TENM3: variants seen among roughly 807,000 people sequenced by gnomAD.
TENM3 encodes the protein teneurin-3.
In TENM3, 63 loss-of-function variants were observed where a neutral mutation model predicts 255.1. That is an observed-to-expected ratio of 0.25 (90% CI 0.20 to 0.30). The LOEUF (loss-of-function observed/expected upper bound fraction) is 0.30. Among genes scored for constraint, TENM3 ranks in the 10% least tolerant of loss-of-function variants. The pLI is 1.00. For missense variants in TENM3, 2,929 were observed against 3,461.1 expected, an observed-to-expected ratio of 0.85 and a Z score of 3.86; for synonymous variants, 1,306 against 1,322.3, an observed-to-expected ratio of 0.99 and a Z score of 0.27.
At chr4:182,351,831 C>T (rs72699915) in intron 3 of TENM3, among the ~76,000 whole-genome samples, 34,389 of 151,964 alleles carry the variant, frequency 0.23, 4,389 homozygotes, top group South Asian at 0.36. Flanking sequence ...CGTTGTAAAA[C>T]AGGGACAGCA....
intron 3 of TENM3, among the ~76,000 whole-genome samples, chr4:182,503,502 T>C (rs1252393030): frequency 6.6e-6 from 1 of 152,176 alleles, no homozygotes; most frequent in Non-Finnish European, 1.5e-5. Flanking sequence ...ATATACTCAT[T>C]TTTTTCTGCC....
At position 182,773,627 on chromosome 4, in the gene TENM3, C is replaced by CAGA. The variant is rs1764447515; in HGVS notation, c.5048_5049insAGA (p.Ser1683_Phe1684insAsp). On this transcript the variant is annotated inframe_insertion, in exon 23 of 28. Coordinates refer to ENST00000511685, the MANE Select transcript of TENM3 (RefSeq NM_001080477.4). ...ACTTCAAATCTGTCCTCGATCGATT[C>CAGA]TTTCTACACCATGGTTCAAGGTAAA... 6.2e-7 allele frequency: 1 copy of CAGA among 1,612,194 alleles called. No homozygotes were observed. Among genetic ancestry groups the CAGA allele is most frequent in the Non-Finnish European group, 8.5e-7 (1 of 1,179,180 alleles).
intron 3 of TENM3, among the ~76,000 whole-genome samples, chr4:182,565,131 A>T (rs1309126579): frequency 6.6e-6 from 1 of 152,224 alleles, no homozygotes; most frequent in Non-Finnish European, 1.5e-5. Flanking sequence ...TATGTTGCAC[A>T]GTTTATAAAG....
At chr4:182,773,342 T>C (rs1764416818) in intron 22 of TENM3, 130 bp from the exon 23 acceptor site, 6 of 799,294 alleles carry the variant, frequency 7.5e-6, no homozygotes, top group South Asian at 2.1e-5. Flanking sequence ...GTCTTCACTC[T>C]GCATCGCTCA....
intron 12 of TENM3, among the ~76,000 whole-genome samples, chr4:182,700,628 G>C (rs1480407940): frequency 6.6e-6 from 1 of 152,118 alleles, no homozygotes; most frequent in African/African-American, 2.4e-5. Flanking sequence ...TATCATTTCT[G>C]GGATTTAACA....
the TENM3 span, among the ~76,000 whole-genome samples, chr4:181,470,471 T>C: frequency 6.6e-6 from 1 of 152,162 alleles, no homozygotes; most frequent in Non-Finnish European, 1.5e-5. Context: ...CATTGAAATG[T>C]ACCCTGCAAG....
At chr4:182,510,822 T>C (rs1737321453) in intron 3 of TENM3, among the ~76,000 whole-genome samples, 1 of 152,214 alleles carries the variant, frequency 6.6e-6, no homozygotes, top group African/African-American at 2.4e-5. Flanking sequence ...CAAATCCTTA[T>C]TAGGAGAGGC....
chr4:181,936,287 C>A, the TENM3 span, among the ~76,000 whole-genome samples: 21 of 151,984 alleles, frequency 1.4e-4, no homozygotes, highest in Non-Finnish European at 2.2e-4. Flanking sequence ...CCCAGCTACT[C>A]GGGAGGCTGA....
the TENM3 span, among the ~76,000 whole-genome samples, chr4:181,605,571 AGAGAGAAAGAAAGGAAAGAAAG>A: frequency 0.039 from 1,142 of 29,154 alleles, 142 homozygotes; most frequent in Admixed American, 0.041. Context: ...AGAAAGAAAG[AGAGAGAAAGAAAGGAAAGAAAG>A]AAAGAAAGAA....
At chr4:182,605,144 C>T (rs1467231841) in intron 4 of TENM3, among the ~76,000 whole-genome samples, 1 of 152,178 alleles carries the variant, frequency 6.6e-6, no homozygotes, top group Non-Finnish European at 1.5e-5. Context: ...GGAAACCTTT[C>T]CCAGCTGAAG....
At chr4:182,199,720 C>CTTTTTTTTT (rs367906246) in intron 1 of TENM3, among the ~76,000 whole-genome samples, 24 of 104,844 alleles carry the variant, frequency 2.3e-4, no homozygotes, top group African/African-American at 5.6e-4. Context: ...AACATCATTG[C>CTTTTTTTTT]TTTTTTTTTT....
At chr4:181,795,845 C>A in the TENM3 span, among the ~76,000 whole-genome samples, 3 of 152,104 alleles carry the variant, frequency 2.0e-5, no homozygotes, top group African/African-American at 7.2e-5. Context: ...GGAAGTATAA[C>A]CTGGATATGA....
chr4:181,635,491 G>A, the TENM3 span, among the ~76,000 whole-genome samples: 3 of 152,232 alleles, frequency 2.0e-5, no homozygotes, highest in South Asian at 6.2e-4. Flanking sequence ...TGAGATGGCT[G>A]CAGGTGAACA....
the TENM3 span, among the ~76,000 whole-genome samples, chr4:181,741,242 A>G: frequency 1.3e-5 from 2 of 152,186 alleles, no homozygotes; most frequent in African/African-American, 4.8e-5. Context: ...ATACCTCAAC[A>G]AGCCATGGTG....
chr4:182,446,602 T>C (rs1580570369), intron 3 of TENM3, among the ~76,000 whole-genome samples: 2 of 151,894 alleles, frequency 1.3e-5, no homozygotes, highest in Non-Finnish European at 2.9e-5. Flanking sequence ...TTTTGAAGCA[T>C]AGACAAGCCC....
chr4:181,664,599 C>T, the TENM3 span, among the ~76,000 whole-genome samples: 3 of 152,170 alleles, frequency 2.0e-5, no homozygotes, highest in Non-Finnish European at 2.9e-5. Flanking sequence ...CACTGTGCAC[C>T]GTCAATGTCT....
At chr4:181,485,333 G>T in the TENM3 span, among the ~76,000 whole-genome samples, 15 of 152,130 alleles carry the variant, frequency 9.9e-5, no homozygotes, top group African/African-American at 3.4e-4. Flanking sequence ...ATTGCTCTTA[G>T]TACACATTTG....
chr4:182,483,670 T>TA (rs1318437479), intron 3 of TENM3, among the ~76,000 whole-genome samples: 1 of 152,180 alleles, frequency 6.6e-6, no homozygotes, highest in East Asian at 1.9e-4. Context: ...CACATTGCTA[T>TA]AAAAAAACTA....
chr4:182,799,712 G>T lies in TENM3; in HGVS notation c.7461G>T (p.Leu2487=). 1 of 1,551,636 alleles carries T rather than the reference G, an allele frequency of 6.4e-7. No homozygotes were observed. The change falls in exon 28 of 28, where the codon CTG becomes CTT. Residue 2487 remains leucine, a synonymous_variant. Transcript: ENST00000511685. This position sits in a 1 kb window ranked among gnomAD's most constrained non-coding sequence, Gnocchi z 4.2. The part of the protein sequence containing the change: ...RRRAGGAQSW[L]WFATVKSLIG... ...GGGCCGGCGGCGCGCAGTCCTGGCT[G>T]TGGTTCGCCACGGTCAAGTCGCTGA...
Sources: allele counts gnomAD v4.1 joint callset (sites outside exome capture counted in the v4.1 genomes callset), GRCh38; gene constraint gnomAD v4.1.1; non-coding constraint Gnocchi (gnomAD v3.1); transcripts MANE v1.5; gene names NCBI Gene and HGNC (gene_info 2026-07-23, HGNC 2026-07-21).